DAB1: variants seen among roughly 807,000 people sequenced by gnomAD.
DAB1 encodes DAB adaptor protein 1.
A neutral mutation model predicts 64.6 loss-of-function variants in DAB1; 15 were observed. The ratio of observed to expected loss-of-function variants is 0.23; its 90% CI spans 0.16 to 0.36. DAB1 has a LOEUF of 0.36. Among genes scored for constraint, DAB1 ranks in the 10% least tolerant of loss-of-function variants. The pLI is 1.00. For missense variants in DAB1, 596 were observed against 706.7 expected, an observed-to-expected ratio of 0.84 and a Z score of 1.78; for synonymous variants, 235 against 251.9, an observed-to-expected ratio of 0.93 and a Z score of 0.64.
At chr1:58,315,786 C>T (rs1014538126) in intron 4 of DAB1, among the ~76,000 whole-genome samples, 3 of 152,126 alleles carry the variant, frequency 2.0e-5, no homozygotes, top group African/African-American at 4.8e-5. Flanking sequence ...TCTTTATTCT[C>T]GTAAATCACG....
chr1:56,999,945 T>G (rs1302295050), intron 14 of DAB1, among the ~76,000 whole-genome samples: 1 of 152,078 alleles, frequency 6.6e-6, no homozygotes, highest in African/African-American at 2.4e-5. Flanking sequence ...TGTAAATAAG[T>G]ACAATCCTTC....
chr1:57,494,253 AT>A (rs11379381), intron 7 of DAB1, among the ~76,000 whole-genome samples: 113 of 147,306 alleles, frequency 7.7e-4, no homozygotes, highest in South Asian at 1.5e-3. Context: ...AATTGTTACA[AT>A]TTTTTTTTTT....
At chr1:57,364,547 T>C (rs532132519) in intron 1 of DAB1, among the ~76,000 whole-genome samples, 1 of 152,196 alleles carries the variant, frequency 6.6e-6, no homozygotes, top group East Asian at 1.9e-4. Context: ...CTGAAAACTA[T>C]ACTTAGCATA....
At chr1:58,220,911 A>C (rs2100322654) in intron 4 of DAB1, among the ~76,000 whole-genome samples, 1 of 151,786 alleles carries the variant, frequency 6.6e-6, no homozygotes, top group East Asian at 1.9e-4. Context: ...TATCAATGTG[A>C]ATACATTTTG....
chr1:57,577,560 A>C (rs1645264824), intron 7 of DAB1, among the ~76,000 whole-genome samples: 1 of 152,208 alleles, frequency 6.6e-6, no homozygotes, highest in Non-Finnish European at 1.5e-5. Context: ...TGTTACTCCC[A>C]TAAAGAAACA....
chr1:58,525,533 C>T (rs1027508411), intron 2 of DAB1, among the ~76,000 whole-genome samples: 1 of 151,896 alleles, frequency 6.6e-6, no homozygotes, highest in Admixed American at 6.6e-5. Flanking sequence ...TTCCTACATA[C>T]AAAAAAATTT....
intron 1 of DAB1, among the ~76,000 whole-genome samples, chr1:57,366,842 C>T (rs962701876): frequency 6.6e-6 from 1 of 151,874 alleles, no homozygotes; most frequent in African/African-American, 2.4e-5. Flanking sequence ...ATGTTTTTAA[C>T]CTCCATGCTG....
At chr1:58,031,311 A>G (rs1387284421) in intron 5 of DAB1, among the ~76,000 whole-genome samples, 1 of 152,196 alleles carries the variant, frequency 6.6e-6, no homozygotes, top group Non-Finnish European at 1.5e-5. Flanking sequence ...AGAGTTTTGA[A>G]TGTTAAGATT....
chr1:57,177,989 T>C (rs1490325038), intron 2 of DAB1, among the ~76,000 whole-genome samples: 1 of 152,170 alleles, frequency 6.6e-6, no homozygotes, highest in African/African-American at 2.4e-5. Context: ...TATAAAAACC[T>C]GAGAATATAG....
intron 4 of DAB1, among the ~76,000 whole-genome samples, chr1:57,088,636 A>AT (rs1388035876): frequency 2.0e-5 from 3 of 151,792 alleles, no homozygotes; most frequent in African/African-American, 7.3e-5. Context: ...GCTTTTTGGG[A>AT]TTTTTCACTT....
chr1:57,071,871 G>C (rs900540686), intron 5 of DAB1, among the ~76,000 whole-genome samples: 4 of 151,926 alleles, frequency 2.6e-5, no homozygotes, highest in Non-Finnish European at 4.4e-5. Flanking sequence ...AAGCATAAAA[G>C]GCATTGCTTT....
chr1:57,751,046 A>G (rs974632038), intron 6 of DAB1, among the ~76,000 whole-genome samples: 13 of 152,254 alleles, frequency 8.5e-5, no homozygotes, highest in African/African-American at 2.9e-4. Context: ...AAGGTGGCCA[A>G]TTGAGGCTTA....
intron 6 of DAB1, among the ~76,000 whole-genome samples, chr1:57,711,398 G>T (rs1411634067): frequency 6.6e-6 from 1 of 152,160 alleles, no homozygotes; most frequent in Non-Finnish European, 1.5e-5. Flanking sequence ...CTTAAGGTGT[G>T]GGCTATGCAG....
At chr1:57,969,157 A>T (rs1645736907) in intron 5 of DAB1, among the ~76,000 whole-genome samples, 1 of 152,162 alleles carries the variant, frequency 6.6e-6, no homozygotes, top group Non-Finnish European at 1.5e-5. Flanking sequence ...CGAATTTCTC[A>T]TCCAGTGGGT....
At chr1:58,220,488 G>T (rs1361549303) in intron 4 of DAB1, among the ~76,000 whole-genome samples, 1 of 152,150 alleles carries the variant, frequency 6.6e-6, no homozygotes, top group African/African-American at 2.4e-5. Flanking sequence ...TGAGCAAGGG[G>T]CTGGGGGGAA....
chr1:57,918,628 T>G lies in DAB1; in HGVS notation n.388-34466A>C, dbSNP rs916613689. 2.0e-5 allele frequency among the ~76,000 whole-genome samples: 3 copies of G among 151,920 alleles called. No individual in the cohort carries two copies. In the South Asian group the frequency reaches 6.3e-4, roughly 32 times the overall value. On this transcript the variant is annotated intron_variant and non_coding_transcript_variant, in intron 5 of 20. Transcript: ENST00000485760. ...TCACAAAGTCAGGAGATACAGACCA[T>G]CCTGGCTAACACAGTGAAACCCCGT...
intron 6 of DAB1, among the ~76,000 whole-genome samples, chr1:57,803,816 T>C (rs865776086): frequency 2.0e-5 from 3 of 152,238 alleles, no homozygotes; most frequent in South Asian, 2.1e-4. Flanking sequence ...CACTGATTTT[T>C]GGGACCATAT....
chr1:57,136,717 G>T (rs909800634), intron 3 of DAB1, 76 bp from the exon 4 acceptor site: 2 of 889,676 alleles, frequency 2.2e-6, no homozygotes, highest in Admixed American at 2.7e-5. Context: ...AGGTATGTCC[G>T]ATACCATCAA....
chr1:57,093,308 G>C (rs1188365894), intron 4 of DAB1, among the ~76,000 whole-genome samples: 1 of 152,160 alleles, frequency 6.6e-6, no homozygotes, highest in African/African-American at 2.4e-5. Context: ...TACTCTGTTG[G>C]CTCTGAGCCT....
Sources: gnomAD v4.1 joint callset for allele counts (sites outside exome capture counted in the v4.1 genomes callset) on GRCh38, gnomAD v4.1.1 for gene constraint, MANE v1.5 for transcripts, NCBI Gene and HGNC (gene_info 2026-07-23, HGNC 2026-07-21) for gene names.